Variants in MIPOL1 observed in about 807,000 individuals in gnomAD.
The protein encoded by MIPOL1 is mirror-image polydactyly gene 1 protein.
MIPOL1 carries 57 observed loss-of-function variants against 60.9 expected under a neutral mutation model. That is an observed-to-expected ratio of 0.94 (90% CI 0.76 to 1.17). The LOEUF is 1.17. Among genes scored for constraint, MIPOL1 ranks in the 50% most tolerant of loss-of-function variants. The pLI is 0.00. For synonymous variants in MIPOL1, 179 were observed against 168.8 expected (o/e 1.06, Z -0.47); for missense variants, 551 against 511.6 (o/e 1.08, Z -0.74).
intron 1 of MIPOL1, among the ~76,000 whole-genome samples, chr14:37,222,746 C>T (rs1471666689): frequency 6.6e-6 from 1 of 152,200 alleles, no homozygotes; most frequent in Non-Finnish European, 1.5e-5. Flanking sequence ...TACAGCTCAT[C>T]TTCTGAGCCC....
At chr14:37,350,416 T>C (rs1366288694) in intron 9 of MIPOL1, among the ~76,000 whole-genome samples, 1 of 151,322 alleles carries the variant, frequency 6.6e-6, no homozygotes, top group Non-Finnish European at 1.5e-5. Context: ...CTTTCTTTCC[T>C]ATTTTTTTTT....
At chr14:37,456,005 G>A (rs151126498) in intron 11 of MIPOL1, among the ~76,000 whole-genome samples, 1 of 151,724 alleles carries the variant, frequency 6.6e-6, no homozygotes, top group Admixed American at 6.6e-5. Context: ...TTATTCAATT[G>A]TGTTTCAATA....
intron 10 of MIPOL1, among the ~76,000 whole-genome samples, chr14:37,406,027 A>G (rs2093581554): frequency 6.6e-6 from 1 of 152,036 alleles, no homozygotes; most frequent in Non-Finnish European, 1.5e-5. Flanking sequence ...TTAATTAAAG[A>G]TAACATAATC....
In MIPOL1 at chr14:37,268,750, T is replaced by C; in HGVS notation, c.344T>C (p.Phe115Ser). The C allele has an allele frequency of 6.3e-7, 1 of 1,591,540 alleles. No individual in the cohort carries two copies. Among genetic ancestry groups the C allele is most frequent in the Non-Finnish European group, 8.6e-7 (1 of 1,164,858 alleles). ...TCAGATAAAGAGAAGACAATAGCAT[T>C]TCTTCTAAAAGAATTGGATATTCTC... ...SDSDKEKTIA[F>S]LLKELDILRT... Residue 115 changes from phenylalanine to serine, a missense_variant, in exon 5 of 13, where the codon TTT becomes TCT. By Grantham distance (155) the Phe-to-Ser change is radical. Coordinates refer to ENST00000684589, the MANE Select transcript of MIPOL1 (RefSeq NM_001388067.1).
chr14:37,294,657 G>T (rs940424315), intron 7 of MIPOL1, among the ~76,000 whole-genome samples: 1 of 152,174 alleles, frequency 6.6e-6, no homozygotes, highest in Non-Finnish European at 1.5e-5. Flanking sequence ...ACTACGTGAT[G>T]AATGCACAAG....
chr14:37,266,937 G>T lies in MIPOL1; in HGVS notation c.20-1G>T. On this transcript the variant is annotated splice_acceptor_variant, in intron 3 of 12. Coordinates refer to ENST00000684589, the MANE Select transcript of MIPOL1 (RefSeq NM_001388067.1). LOFTEE classifies it high-confidence loss of function. Reference sequence around the variant, plus strand: ...TGTGTTATTTGTTTGTTTAAATACAGACATAACCCACAGTTATCTTGAACA... The same window carrying T: ...TGTGTTATTTGTTTGTTTAAATACATACATAACCCACAGTTATCTTGAACA... 6.2e-7 allele frequency: 1 copy of T among 1,600,982 alleles called. No homozygotes were observed.
chr14:37,315,171 T>C (rs968843731), intron 9 of MIPOL1, among the ~76,000 whole-genome samples: 2 of 152,092 alleles, frequency 1.3e-5, no homozygotes, highest in Admixed American at 1.3e-4. Context: ...CTTGAAGACT[T>C]GAAGAAGAGA....
At chr14:37,476,244 A>C (rs1028820857) in intron 11 of MIPOL1, among the ~76,000 whole-genome samples, 1 of 152,154 alleles carries the variant, frequency 6.6e-6, no homozygotes, top group African/African-American at 2.4e-5. Context: ...CTGCAATCTT[A>C]CTATAATCAC....
At chr14:37,545,895 T>C in intron 12 of MIPOL1, 1 of 350,466 alleles carries the variant, frequency 2.9e-6, no homozygotes, top group Non-Finnish European at 5.2e-6. Flanking sequence ...GACTAGACTG[T>C]GCCGCTTACC....
intron 1 of MIPOL1, among the ~76,000 whole-genome samples, chr14:37,206,064 T>G (rs1966037880): frequency 6.6e-6 from 1 of 151,972 alleles, no homozygotes. Flanking sequence ...GAAATTTGCC[T>G]AAGTAACAAG....
intron 10 of MIPOL1, among the ~76,000 whole-genome samples, chr14:37,375,102 C>T (rs1477062043): frequency 6.6e-6 from 1 of 152,066 alleles, no homozygotes; most frequent in African/African-American, 2.4e-5. Flanking sequence ...CTTCACATCC[C>T]TTGTAAGTTG....
chr14:37,278,813 A>G (rs1194376803), intron 6 of MIPOL1: 3 of 151,840 alleles, frequency 2.0e-5, no homozygotes, highest in African/African-American at 7.2e-5. Context: ...TTGCCAATAG[A>G]CTTGGGTCTA....
At chr14:37,221,653 C>T (rs1447344573) in intron 1 of MIPOL1, among the ~76,000 whole-genome samples, 2 of 152,104 alleles carry the variant, frequency 1.3e-5, no homozygotes, top group Non-Finnish European at 2.9e-5. Flanking sequence ...AAGTGCTATA[C>T]ACTTTAAAAC....
At chr14:37,505,187 G>T (rs552077795) in intron 12 of MIPOL1, 2 of 152,180 alleles carry the variant, frequency 1.3e-5, no homozygotes, top group Non-Finnish European at 2.9e-5. Flanking sequence ...AGAGGAGCTG[G>T]TACCATCCCT....
At chr14:37,314,582 A>T (rs1241326275) in intron 9 of MIPOL1, among the ~76,000 whole-genome samples, 1 of 152,156 alleles carries the variant, frequency 6.6e-6, no homozygotes, top group Admixed American at 6.6e-5. Flanking sequence ...TATACTTCAA[A>T]GCCATTTTAA....
chr14:37,248,401 T>G (rs1403685605), intron 3 of MIPOL1, among the ~76,000 whole-genome samples: 1 of 151,188 alleles, frequency 6.6e-6, no homozygotes, highest in Admixed American at 6.6e-5. Context: ...CAGAGACTCA[T>G]AGAGAAAGAG....
At chr14:37,321,040 TG>T (rs1217868307) in intron 9 of MIPOL1, among the ~76,000 whole-genome samples, 2 of 152,080 alleles carry the variant, frequency 1.3e-5, no homozygotes, top group African/African-American at 4.8e-5. Flanking sequence ...AGGATCCAGC[TG>T]TCAAATGTTC....
chr14:37,335,925 C>T (rs2090071417), intron 9 of MIPOL1, among the ~76,000 whole-genome samples: 1 of 151,900 alleles, frequency 6.6e-6, no homozygotes, highest in Non-Finnish European at 1.5e-5. Context: ...CCAATTTTAT[C>T]TTTAGCTGCT....
intron 10 of MIPOL1, chr14:37,400,121 C>T (rs1461331647): frequency 1.3e-5 from 2 of 151,866 alleles, no homozygotes; most frequent in Non-Finnish European, 2.9e-5. Context: ...GTTTTAGTGG[C>T]ATTAATTAGG....
Sources: allele counts gnomAD v4.1 joint callset (sites outside exome capture counted in the v4.1 genomes callset), GRCh38; gene constraint gnomAD v4.1.1; transcripts MANE v1.5; gene names NCBI Gene and HGNC (gene_info 2026-07-23, HGNC 2026-07-21).